The following SLC25A40 variants were observed in gnomAD, a reference collection of about 807,000 sequenced individuals.
The protein encoded by SLC25A40 is mitochondrial glutathione transporter SLC25A40.
A neutral mutation model predicts 46.5 loss-of-function variants in SLC25A40; 41 were observed. The observed-to-expected ratio is 0.88, with a 90% CI of 0.69 to 1.14. The LOEUF (loss-of-function observed/expected upper bound fraction) is 1.14, where lower values mean the gene tolerates loss of function less well. Among genes scored for constraint, SLC25A40 ranks in the 50% most tolerant of loss-of-function variants. The pLI, the probability that SLC25A40 is intolerant of heterozygous loss-of-function variation, is 0.00. For missense variants in SLC25A40, 386 were observed against 393.6 expected (o/e 0.98, Z 0.16); for synonymous variants, 126 against 127.5 (o/e 0.99, Z 0.08).
intron 1 of SLC25A40, among the ~76,000 whole-genome samples, chr7:87,867,312 CTG>C (rs951024629): frequency 6.6e-6 from 1 of 152,186 alleles, no homozygotes; most frequent in African/African-American, 2.4e-5. Flanking sequence ...TTATTCTCCT[CTG>C]TGTGTTTTCA....
At chr7:87,870,661 G>A (rs531241268) in intron 1 of SLC25A40, among the ~76,000 whole-genome samples, 13 of 152,232 alleles carry the variant, frequency 8.5e-5, no homozygotes, top group East Asian at 5.8e-4. Context: ...AGAAGCAGCC[G>A]AATGTCTGAG....
chr7:87,847,763 C>A, intron 7 of SLC25A40, 90 bp downstream of exon 7: 1 of 1,263,280 alleles, frequency 7.9e-7, no homozygotes, highest in Non-Finnish European at 1.1e-6. Context: ...TACTAATACT[C>A]TATATATTAT....
intron 1 of SLC25A40, among the ~76,000 whole-genome samples, chr7:87,868,856 C>T (rs534375008): frequency 5.4e-4 from 82 of 152,248 alleles, no homozygotes; most frequent in African/African-American, 1.9e-3. Context: ...ACCTTCAGCT[C>T]CTCTCCTCTC....
At chr7:87,849,994 CT>C in intron 5 of SLC25A40, 46 bp from the exon 6 acceptor site, 1 of 1,222,980 alleles carries the variant, frequency 8.2e-7, no homozygotes, top group Non-Finnish European at 1.1e-6. Flanking sequence ...ATCTTTAAAC[CT>C]TTTATACAAA....
In SLC25A40 at chr7:87,847,867, C is replaced by A; in HGVS notation, c.443G>T (p.Gly148Val). The change falls in exon 7 of 12, where the codon GGA becomes GTA. Residue 148 changes from glycine to valine, a missense_variant. Physicochemically the swap from Gly to Val is moderately radical, Grantham distance 109 (BLOSUM62 -3). Coordinates refer to ENST00000341119, the MANE Select transcript of SLC25A40 (RefSeq NM_018843.4). ...TTATTACTCACATCTGGCTACAATT[C>A]CAGCAACAATTGGTATGCAGGTTTC... ...ENETCIPIVA[G>V]IVARFGAVTV... 6.2e-7 allele frequency: 1 copy of A among 1,607,984 alleles called. No homozygotes were observed. Among genetic ancestry groups the A allele is most frequent in the Non-Finnish European group, 8.5e-7 (1 of 1,178,074 alleles).
chr7:87,876,302 G>A lies in SLC25A40; in HGVS notation c.-300C>T, dbSNP rs183923267. 6.2e-6 allele frequency: 1 copy of A among 162,416 alleles called. No individual in the cohort carries two copies. Among genetic ancestry groups the A allele is most frequent in the Non-Finnish European group, 1.3e-5 (1 of 75,570 alleles). The allele number at this position is 162,416 out of a possible 1,614,324, so 10.1% of individuals were successfully genotyped here. The stretch of plus-strand genomic sequence containing the variant: ...TCTGAGACTGAGAGAGCAACGGAAT[G>A]GAGGCGGGGTAGAGGCGGAAACACA... On this transcript the variant is annotated 5_prime_UTR_variant, in exon 1 of 12. Transcript: ENST00000341119.
chr7:87,847,815 A>T, intron 7 of SLC25A40, 38 bp downstream of exon 7: 1 of 1,582,148 alleles, frequency 6.3e-7, no homozygotes, highest in Non-Finnish European at 8.6e-7. Flanking sequence ...AGAAGCTCTA[A>T]ACAGAAATCA....
chr7:87,855,731 T>G (rs925340495), intron 4 of SLC25A40, among the ~76,000 whole-genome samples: 1 of 152,204 alleles, frequency 6.6e-6, no homozygotes, highest in Non-Finnish European at 1.5e-5. Flanking sequence ...GAGCCAATTT[T>G]CTCACAGTCC....
At chr7:87,875,091 C>T (rs547959040) in intron 1 of SLC25A40, among the ~76,000 whole-genome samples, 1 of 152,302 alleles carries the variant, frequency 6.6e-6, no homozygotes, top group South Asian at 2.1e-4. Flanking sequence ...CACTTCCTTC[C>T]ACCACTCAAG....
chr7:87,857,297 C>G (rs1185299350), intron 3 of SLC25A40, among the ~76,000 whole-genome samples: 1 of 152,088 alleles, frequency 6.6e-6, no homozygotes, highest in Admixed American at 6.6e-5. Context: ...CATGGGGAAT[C>G]AGAAAAGTTT....
At chr7:87,848,022 C>A in intron 6 of SLC25A40, 45 bp from the exon 7 acceptor site, 1 of 1,567,364 alleles carries the variant, frequency 6.4e-7, no homozygotes, top group East Asian at 2.3e-5. Flanking sequence ...ATCAAAAGAT[C>A]CCACATAGTC....
intron 1 of SLC25A40, among the ~76,000 whole-genome samples, chr7:87,861,487 CATAA>C (rs1273236065): frequency 6.6e-5 from 10 of 152,220 alleles, no homozygotes; most frequent in African/African-American, 2.4e-4. Context: ...ACTTTGAAAA[CATAA>C]ATATACTAAA....
chr7:87,866,029 G>A (rs1056643838), intron 1 of SLC25A40, among the ~76,000 whole-genome samples: 2 of 151,796 alleles, frequency 1.3e-5, no homozygotes, highest in African/African-American at 4.8e-5. Flanking sequence ...GTTTCAGTGA[G>A]CTGAGATCAT....
intron 5 of SLC25A40, among the ~76,000 whole-genome samples, chr7:87,852,951 A>T (rs1207540747): frequency 6.6e-6 from 1 of 152,228 alleles, no homozygotes; most frequent in African/African-American, 2.4e-5. Flanking sequence ...CTTAGCCTTG[A>T]TACCAAAAGC....
At chr7:87,865,852 C>T (rs1838786618) in intron 1 of SLC25A40, among the ~76,000 whole-genome samples, 1 of 152,130 alleles carries the variant, frequency 6.6e-6, no homozygotes, top group Non-Finnish European at 1.5e-5. Context: ...AATGCCAAGG[C>T]AGGTGGATCG....
At chr7:87,843,996 C>T in intron 8 of SLC25A40, 133 bp from the exon 9 acceptor site, 1 of 1,326,592 alleles carries the variant, frequency 7.5e-7, no homozygotes, top group Non-Finnish European at 9.6e-7. Flanking sequence ...TACTTAGACA[C>T]CCACTAGGGT....
intron 8 of SLC25A40, among the ~76,000 whole-genome samples, chr7:87,844,289 A>T (rs567844129): frequency 6.6e-6 from 1 of 152,284 alleles, no homozygotes; most frequent in South Asian, 2.1e-4. Context: ...AAATCTTTAA[A>T]TGTCATATTA....
At chr7:87,863,596 T>C (rs930069763) in intron 1 of SLC25A40, among the ~76,000 whole-genome samples, 26 of 151,332 alleles carry the variant, frequency 1.7e-4, no homozygotes, top group African/African-American at 5.4e-4. Flanking sequence ...TATTGATACA[T>C]ACTAGATGTA....
chr7:87,852,042 T>C (rs928033407), intron 5 of SLC25A40, among the ~76,000 whole-genome samples: 6 of 152,212 alleles, frequency 3.9e-5, no homozygotes, highest in Non-Finnish European at 1.5e-5. Context: ...AATTAAAACA[T>C]GACTCAATTT....
Sources: allele counts gnomAD v4.1 joint callset (sites outside exome capture counted in the v4.1 genomes callset), GRCh38; gene constraint gnomAD v4.1.1; transcripts MANE v1.5; gene names NCBI Gene and HGNC (gene_info 2026-07-23, HGNC 2026-07-21).